Variants in TMBIM4 observed in about 807,000 individuals in gnomAD.
The protein encoded by TMBIM4 is protein lifeguard 4.
In TMBIM4, 28 loss-of-function variants were observed where a neutral mutation model predicts 27.7. The observed-to-expected ratio is 1.01, with a 90% CI of 0.75 to 1.38. TMBIM4 has a LOEUF of 1.38. Ranked by LOEUF, TMBIM4 falls within the 40% of genes most tolerant of loss-of-function variation. The pLI is 0.00. For missense variants in TMBIM4, 265 were observed against 277.5 expected (o/e 0.95, Z 0.32); for synonymous variants, 115 against 113.1 (o/e 1.02, Z -0.11).
chr12:66,160,662 T>A (rs1020306526), intron 1 of TMBIM4, among the ~76,000 whole-genome samples: 9 of 152,364 alleles, frequency 5.9e-5, no homozygotes, highest in East Asian at 1.9e-4. Flanking sequence ...TAATTTTTTT[T>A]AATTAAAAAG....
chr12:66,144,492 G>A (rs2051719443), intron 5 of TMBIM4, among the ~76,000 whole-genome samples: 2 of 152,098 alleles, frequency 1.3e-5, no homozygotes, highest in Non-Finnish European at 2.9e-5. Context: ...TGGGGGCAGA[G>A]AAGAACCATC....
At chr12:66,149,858 C>T (rs1268479322) in intron 3 of TMBIM4, among the ~76,000 whole-genome samples, 1 of 147,246 alleles carries the variant, frequency 6.8e-6, no homozygotes, top group Non-Finnish European at 1.5e-5. Flanking sequence ...GACTATCTAT[C>T]TATCTGTCTG....
At chr12:66,157,523 A>G (rs570914662) in intron 1 of TMBIM4, among the ~76,000 whole-genome samples, 15 of 152,278 alleles carry the variant, frequency 9.9e-5, no homozygotes, top group South Asian at 2.1e-4. Context: ...TTGTGACACA[A>G]ACAGAATATA....
chr12:66,142,083 A>AAATT (rs1466658078), intron 5 of TMBIM4, among the ~76,000 whole-genome samples: 4 of 152,156 alleles, frequency 2.6e-5, no homozygotes, highest in Non-Finnish European at 5.9e-5. Flanking sequence ...ATAAATAAAT[A>AAATT]AATGCAAAAG....
intron 2 of TMBIM4, among the ~76,000 whole-genome samples, chr12:66,153,028 G>C (rs2051874430): frequency 6.6e-6 from 1 of 152,032 alleles, no homozygotes; most frequent in Non-Finnish European, 1.5e-5. Context: ...CTTAGGCTTT[G>C]AGCACAGGGA....
intron 1 of TMBIM4, among the ~76,000 whole-genome samples, chr12:66,159,837 G>A (rs571752664): frequency 2.2e-4 from 33 of 152,234 alleles, no homozygotes; most frequent in Non-Finnish European, 4.0e-4. Context: ...GACCACTATG[G>A]AGGACTGAGA....
intron 4 of TMBIM4, among the ~76,000 whole-genome samples, chr12:66,146,264 C>T (rs1459833201): frequency 6.6e-6 from 1 of 152,176 alleles, no homozygotes; most frequent in Non-Finnish European, 1.5e-5. Context: ...GGGAGTGATT[C>T]TCAGCCATCT....
At chr12:66,164,954 A>G (rs982148096) in intron 1 of TMBIM4, among the ~76,000 whole-genome samples, 4 of 152,220 alleles carry the variant, frequency 2.6e-5, no homozygotes, top group African/African-American at 9.6e-5. Flanking sequence ...TTGGAAAGAA[A>G]GTTAAGAAAA....
At chr12:66,155,776 G>A (rs992490285) in intron 1 of TMBIM4, among the ~76,000 whole-genome samples, 1 of 152,148 alleles carries the variant, frequency 6.6e-6, no homozygotes, top group African/African-American at 2.4e-5. Context: ...TCAAAACAAT[G>A]TGCACATTAA....
At chr12:66,161,545 T>A (rs1422554018) in intron 1 of TMBIM4, among the ~76,000 whole-genome samples, 1 of 152,252 alleles carries the variant, frequency 6.6e-6, no homozygotes, top group Non-Finnish European at 1.5e-5. Flanking sequence ...TTCATTTATT[T>A]TTATTTGGTG....
intron 1 of TMBIM4, among the ~76,000 whole-genome samples, chr12:66,159,253 G>C (rs944705732): frequency 6.6e-6 from 1 of 152,158 alleles, no homozygotes; most frequent in African/African-American, 2.4e-5. Context: ...AGGCACTGAG[G>C]CTTCTTCCTT....
intron 1 of TMBIM4, among the ~76,000 whole-genome samples, chr12:66,157,606 G>A (rs1263123585): frequency 6.6e-6 from 1 of 152,160 alleles, no homozygotes; most frequent in Non-Finnish European, 1.5e-5. Flanking sequence ...TTGGAATCAG[G>A]CAATAGATGA....
intron 4 of TMBIM4, among the ~76,000 whole-genome samples, chr12:66,146,492 T>C (rs990321307): frequency 3.9e-5 from 6 of 152,166 alleles, no homozygotes; most frequent in Middle Eastern, 3.2e-3. Flanking sequence ...ACCATTCACT[T>C]ACCCTGCAGA....
intron 1 of TMBIM4, among the ~76,000 whole-genome samples, chr12:66,165,107 GA>G (rs1346201427): frequency 1.3e-5 from 2 of 152,026 alleles, no homozygotes; most frequent in East Asian, 3.9e-4. Flanking sequence ...TTATACATTG[GA>G]AAACCGATGT....
rs185198111 is a variant in TMBIM4, at chr12:66,147,886, T to C, written c.346+22A>G. 4.9e-4 allele frequency: 793 copies of C among 1,603,782 alleles called. 2 individuals carry two copies. In the African/African-American group the frequency reaches 9.5e-3, roughly 19 times the overall value. ...TACATTAAAAAGTTATTATAACATA[T>C]AGAAATGCAGTTACGGCTTACCAAC... is the stretch of plus-strand genomic sequence containing the variant. On this transcript the variant is annotated intron_variant, in intron 4 of 6. Transcript: ENST00000358230.
chr12:66,157,342 A>G (rs969580649), intron 1 of TMBIM4, among the ~76,000 whole-genome samples: 2 of 152,184 alleles, frequency 1.3e-5, no homozygotes, highest in African/African-American at 4.8e-5. Context: ...CCCTGTGAGT[A>G]GCCTGCCTGG....
At chr12:66,142,345 C>T (rs573341855) in intron 5 of TMBIM4, among the ~76,000 whole-genome samples, 10 of 150,936 alleles carry the variant, frequency 6.6e-5, no homozygotes, top group African/African-American at 9.7e-5. Context: ...GAAATTCCAA[C>T]GTTCCTGCAC....
chr12:66,137,678 G>C lies in TMBIM4; in HGVS notation c.*282C>G, dbSNP rs2051599021. ...CAAAGTGGTGGGATTACAGGCGTGA[G>C]CCACTGTGCCCAGCCAGAAAAGCAT... On this transcript the variant is annotated 3_prime_UTR_variant, in exon 7 of 7. Coordinates refer to ENST00000358230, the MANE Select transcript of TMBIM4 (RefSeq NM_016056.4). 2 of 328,898 alleles carry C rather than the reference G, an allele frequency of 6.1e-6. No homozygotes were observed. Among genetic ancestry groups the C allele is most frequent in the African/African-American group, 2.2e-5 (1 of 45,448 alleles). The allele number at this position is 328,898 out of a possible 1,614,324, so 20.4% of individuals were successfully genotyped here. A position where few individuals can be genotyped will look rare whatever the true frequency, so the allele number is the denominator to read the frequency against.
intron 1 of TMBIM4, among the ~76,000 whole-genome samples, chr12:66,162,084 A>AT (rs1239291919): frequency 6.6e-6 from 1 of 151,784 alleles, no homozygotes; most frequent in East Asian, 1.9e-4. Context: ...CACTAAAAAA[A>AT]AAAGGCCATT....
Sources: gnomAD v4.1 joint callset for allele counts (sites outside exome capture counted in the v4.1 genomes callset) on GRCh38, gnomAD v4.1.1 for gene constraint, MANE v1.5 for transcripts, NCBI Gene and HGNC (gene_info 2026-07-23, HGNC 2026-07-21) for gene names.